PICALM: variants seen among roughly 807,000 people sequenced by gnomAD.
The protein encoded by PICALM is phosphatidylinositol binding clathrin assembly protein.
PICALM carries 40 observed loss-of-function variants against 80.5 expected under a neutral mutation model. The observed-to-expected ratio is 0.50, with a 90% CI of 0.39 to 0.65. The LOEUF is 0.65. PICALM is among the 30% of genes least tolerant of loss of function. PICALM has a pLI of 0.00. For synonymous variants in PICALM, 288 were observed against 260.3 expected, an observed-to-expected ratio of 1.11 and a Z score of -1.02; for missense variants, 676 against 778.9, an observed-to-expected ratio of 0.87 and a Z score of 1.57.
At chr11:85,976,916 G>A in intron 17 of PICALM, 1 of 346,914 alleles carries the variant, frequency 2.9e-6, no homozygotes, top group East Asian at 4.4e-5. Flanking sequence ...CTTAGATACA[G>A]CAGTGATCTA....
chr11:86,042,833 A>G (rs1469843233), intron 1 of PICALM, among the ~76,000 whole-genome samples: 1 of 152,230 alleles, frequency 6.6e-6, no homozygotes, highest in Non-Finnish European at 1.5e-5. Context: ...TTCCAACAAG[A>G]CAGGGAAAAA....
intron 1 of PICALM, among the ~76,000 whole-genome samples, chr11:86,035,453 A>T (rs2136895381): frequency 6.6e-6 from 1 of 152,274 alleles, no homozygotes. Context: ...AAGATTTTCT[A>T]AAAAAGAAGC....
chr11:85,984,581 T>G (rs2094527117), intron 13 of PICALM, among the ~76,000 whole-genome samples: 1 of 152,150 alleles, frequency 6.6e-6, no homozygotes, highest in Non-Finnish European at 1.5e-5. Flanking sequence ...GATATGCCAC[T>G]TTCAACTCTC....
chr11:86,018,328 CA>C (rs1377057487), intron 4 of PICALM, among the ~76,000 whole-genome samples: 1 of 152,066 alleles, frequency 6.6e-6, no homozygotes, highest in Non-Finnish European at 1.5e-5. Flanking sequence ...CATATGAACG[CA>C]TTTTTCATGA....
At chr11:86,046,540 G>C (rs2096073912) in intron 1 of PICALM, among the ~76,000 whole-genome samples, 1 of 151,920 alleles carries the variant, frequency 6.6e-6, no homozygotes, top group Non-Finnish European at 1.5e-5. Context: ...CTCATTTTAG[G>C]AGACAACTCC....
chr11:86,042,448 C>T (rs186901794), intron 1 of PICALM, among the ~76,000 whole-genome samples: 2 of 151,994 alleles, frequency 1.3e-5, no homozygotes, highest in African/African-American at 4.8e-5. Context: ...TACAGTGCTC[C>T]AACATGAAAA....
intron 11 of PICALM, among the ~76,000 whole-genome samples, chr11:85,999,387 T>C (rs1192658804): frequency 6.6e-6 from 1 of 152,206 alleles, no homozygotes; most frequent in African/African-American, 2.4e-5. Context: ...TAAAACATAG[T>C]GAAATTAGTT....
intron 13 of PICALM, among the ~76,000 whole-genome samples, chr11:85,989,547 A>G (rs1465825784): frequency 3.9e-5 from 6 of 152,176 alleles, no homozygotes; most frequent in Non-Finnish European, 5.9e-5. Context: ...CTTTTTCAGC[A>G]GAATTCAAAA....
chr11:86,027,807 A>C (rs1167370879), intron 2 of PICALM, among the ~76,000 whole-genome samples: 2 of 152,152 alleles, frequency 1.3e-5, no homozygotes, highest in African/African-American at 4.8e-5. Flanking sequence ...AGGTATGAGA[A>C]ACTGCGCCCG....
At chr11:86,003,503 A>G in intron 8 of PICALM, 52 bp from the exon 9 acceptor site, 1 of 1,162,110 alleles carries the variant, frequency 8.6e-7, no homozygotes, top group Non-Finnish European at 1.2e-6. Flanking sequence ...CACTGGTCAA[A>G]TTAAATCAAG....
chr11:86,035,780 TAA>T (rs11340669), intron 1 of PICALM, among the ~76,000 whole-genome samples: 1 of 149,128 alleles, frequency 6.7e-6, no homozygotes, highest in Non-Finnish European at 1.5e-5. Context: ...CTGTCTCTAC[TAA>T]AAAAAAAACA....
At chr11:85,990,133 T>A in intron 13 of PICALM, 117 bp downstream of exon 13, 1 of 518,524 alleles carries the variant, frequency 1.9e-6, no homozygotes, top group Non-Finnish European at 3.2e-6. Context: ...AGTTTTAGAA[T>A]TTGATATTAA....
intron 1 of PICALM, among the ~76,000 whole-genome samples, chr11:86,035,124 C>CTTT (rs10710079): frequency 6.7e-6 from 1 of 148,458 alleles, no homozygotes; most frequent in Non-Finnish European, 1.5e-5. Flanking sequence ...CTGAGGAAGT[C>CTTT]TTTTTTTTTT....
At chr11:85,991,832 A>T (rs2094789155) in intron 12 of PICALM, among the ~76,000 whole-genome samples, 1 of 152,198 alleles carries the variant, frequency 6.6e-6, no homozygotes, top group Admixed American at 6.5e-5. Flanking sequence ...AGTTACAAGA[A>T]GTTGCAGGGG....
At chr11:86,055,973 T>G (rs1043162712) in intron 1 of PICALM, among the ~76,000 whole-genome samples, 5 of 151,078 alleles carry the variant, frequency 3.3e-5, no homozygotes, top group African/African-American at 1.2e-4. Flanking sequence ...CTGTCTCTAC[T>G]AAAAATACAA....
chr11:86,035,806 G>A (rs1203150741), intron 1 of PICALM, among the ~76,000 whole-genome samples: 2 of 151,534 alleles, frequency 1.3e-5, no homozygotes, highest in Non-Finnish European at 2.9e-5. Flanking sequence ...AAATTAGCCG[G>A]GCATGGTGGC....
chr11:86,029,066 C>A (rs954574319), intron 2 of PICALM, among the ~76,000 whole-genome samples: 1 of 151,966 alleles, frequency 6.6e-6, no homozygotes, highest in Non-Finnish European at 1.5e-5. Context: ...CTCGAACTTG[C>A]GACCTCAGGT....
In PICALM at chr11:85,959,026, T is replaced by A; in HGVS notation, c.*20A>T. The A allele has an allele frequency of 6.3e-7, 1 of 1,585,184 alleles. No homozygotes were observed. Among genetic ancestry groups the A allele is most frequent in the East Asian group, 2.2e-5 (1 of 44,666 alleles). ...TTGAGCACTTGTCTTTTTGGAGTAATTCCATTTTCTTCCATCAAGTTACAT... is the reference window on the plus strand; with the variant it reads ...TTGAGCACTTGTCTTTTTGGAGTAAATCCATTTTCTTCCATCAAGTTACAT... On this transcript the variant is annotated 3_prime_UTR_variant, in exon 20 of 20. Transcript: ENST00000393346.
At chr11:85,967,290 G>A (rs114275140) in intron 19 of PICALM, among the ~76,000 whole-genome samples, 209 of 152,256 alleles carry the variant, frequency 1.4e-3, no homozygotes, top group African/African-American at 5.0e-3. Flanking sequence ...ACTGATGTTC[G>A]TCATGAAGAT....
Sources: allele counts gnomAD v4.1 joint callset (sites outside exome capture counted in the v4.1 genomes callset), GRCh38; gene constraint gnomAD v4.1.1; transcripts MANE v1.5; gene names NCBI Gene and HGNC (gene_info 2026-07-23, HGNC 2026-07-21).